SNAPC1: variants seen among roughly 807,000 people sequenced by gnomAD.
SNAPC1 encodes the protein snRNA-activating protein complex subunit 1.
In SNAPC1, 42 loss-of-function variants were observed where a neutral mutation model predicts 50.1. The observed-to-expected ratio is 0.84, with a 90% CI of 0.65 to 1.08. The LOEUF (loss-of-function observed/expected upper bound fraction) is 1.08, where lower values mean the gene tolerates loss of function less well. SNAPC1 is among the 50% of genes least tolerant of loss of function. SNAPC1 has a pLI of 0.00. For synonymous variants in SNAPC1, 164 were observed against 144.2 expected (o/e 1.14, Z -0.98); for missense variants, 477 against 427.3 (o/e 1.12, Z -1.02).
chr14:61,778,717 A>C, intron 6 of SNAPC1, 131 bp from the exon 7 acceptor site: 1 of 660,742 alleles, frequency 1.5e-6, no homozygotes, highest in East Asian at 2.8e-5. Flanking sequence ...ATGTATACCC[A>C]ATGTATGTTA....
chr14:61,786,026 A>G (rs780128811), intron 8 of SNAPC1, among the ~76,000 whole-genome samples: 2 of 152,200 alleles, frequency 1.3e-5, no homozygotes, highest in Non-Finnish European at 2.9e-5. Flanking sequence ...TTTAGCAAAC[A>G]TTTAAGAAAG....
intron 7 of SNAPC1, among the ~76,000 whole-genome samples, chr14:61,780,336 G>T (rs56098919): frequency 0.12 from 18,391 of 152,106 alleles, 1,375 homozygotes; most frequent in Non-Finnish European, 0.16. Context: ...ATCCTTTCTC[G>T]TTTAGCCTCT....
intron 1 of SNAPC1, among the ~76,000 whole-genome samples, chr14:61,763,208 G>A (rs1175116557): frequency 3.5e-5 from 5 of 144,004 alleles, no homozygotes; most frequent in African/African-American, 1.3e-4. Context: ...GGCCAGACTG[G>A]CCTCGAACTC....
chr14:61,794,885 G>GTT, intron 9 of SNAPC1, 64 bp from the exon 10 acceptor site: 1 of 1,132,240 alleles, frequency 8.8e-7, no homozygotes, highest in Non-Finnish European at 1.3e-6. Context: ...AGTGTCAGTT[G>GTT]TTTTTTTTGT....
chr14:61,763,486 CTTT>C (rs71117854), intron 1 of SNAPC1, among the ~76,000 whole-genome samples: 3 of 97,976 alleles, frequency 3.1e-5, no homozygotes, highest in Non-Finnish European at 4.0e-5. Flanking sequence ...CCAGCAGCTG[CTTT>C]TTTTTTTTTT....
intron 4 of SNAPC1, among the ~76,000 whole-genome samples, chr14:61,774,681 G>A (rs1487463508): frequency 1.5e-5 from 1 of 68,178 alleles, no homozygotes; most frequent in East Asian, 3.5e-4. Flanking sequence ...TTTTTTTTGA[G>A]AGGCAGAGTT....
At chr14:61,780,630 G>A (rs957268241) in intron 7 of SNAPC1, among the ~76,000 whole-genome samples, 11 of 152,220 alleles carry the variant, frequency 7.2e-5, no homozygotes, top group African/African-American at 2.4e-4. Context: ...TCATTCTGTA[G>A]GGTTGTCTGT....
intron 8 of SNAPC1, among the ~76,000 whole-genome samples, chr14:61,788,837 A>G (rs1014088705): frequency 7.2e-5 from 11 of 152,236 alleles, no homozygotes; most frequent in African/African-American, 2.7e-4. Flanking sequence ...AAGGAAATTC[A>G]TTGCAGGATT....
At chr14:61,789,699 A>T (rs1311972314) in intron 8 of SNAPC1, among the ~76,000 whole-genome samples, 1 of 152,234 alleles carries the variant, frequency 6.6e-6, no homozygotes, top group Non-Finnish European at 1.5e-5. Flanking sequence ...TGGGGAGTTA[A>T]ATGTTAAAAG....
intron 4 of SNAPC1, among the ~76,000 whole-genome samples, chr14:61,775,382 G>C (rs191173094): frequency 8.5e-4 from 129 of 151,672 alleles, no homozygotes; most frequent in African/African-American, 3.1e-3. Flanking sequence ...CAGCCTCCCA[G>C]GTAGCTGGGA....
At position 61,778,114 on chromosome 14, in the gene SNAPC1, AT is replaced by A. The variant is rs2045047758; in HGVS notation, c.737del (p.Met246ArgfsTer17). ...KSKTNDGEEK[M>X]EGNSQETERC... ...AAAAACTAATGATGGAGAAGAAAAA[AT>A]GGAAGGAAATTCACAAGAAACGGAG... On this transcript the variant is annotated frameshift_variant, in exon 6 of 10. Transcript: ENST00000216294. LOFTEE classifies it high-confidence loss of function. The A allele has an allele frequency of 6.2e-7, 1 of 1,604,686 alleles. No individual in the cohort carries two copies.
At chr14:61,786,400 G>A (rs903083321) in intron 8 of SNAPC1, among the ~76,000 whole-genome samples, 44 of 152,104 alleles carry the variant, frequency 2.9e-4, no homozygotes, top group East Asian at 9.6e-4. Context: ...AAACTACTAC[G>A]CTGATAAAGG....
At chr14:61,770,157 C>CT (rs1233153140) in intron 4 of SNAPC1, among the ~76,000 whole-genome samples, 2 of 151,408 alleles carry the variant, frequency 1.3e-5, no homozygotes, top group Non-Finnish European at 2.9e-5. Flanking sequence ...CCTACTCAGT[C>CT]TTTTCTTGTA....
intron 8 of SNAPC1, among the ~76,000 whole-genome samples, chr14:61,786,160 G>C (rs1330106961): frequency 6.6e-6 from 1 of 152,122 alleles, no homozygotes; most frequent in Non-Finnish European, 1.5e-5. Flanking sequence ...ATGGATTATG[G>C]ACCTAAATTT....
At chr14:61,771,067 G>C (rs1594644417) in intron 4 of SNAPC1, among the ~76,000 whole-genome samples, 1 of 152,182 alleles carries the variant, frequency 6.6e-6, no homozygotes, top group East Asian at 1.9e-4. Context: ...TTAGGGTGAG[G>C]TACTGTAATT....
At chr14:61,778,230 G>T in intron 6 of SNAPC1, 90 bp downstream of exon 6, 1 of 706,124 alleles carries the variant, frequency 1.4e-6, no homozygotes, top group Non-Finnish European at 2.3e-6. Context: ...AGACATATAA[G>T]AGAAAATTCT....
intron 5 of SNAPC1, among the ~76,000 whole-genome samples, chr14:61,777,110 C>T (rs1043626103): frequency 2.6e-5 from 4 of 152,128 alleles, no homozygotes; most frequent in African/African-American, 9.7e-5. Flanking sequence ...CACACAGATA[C>T]TGTTATCTAT....
At chr14:61,765,604 G>A (rs1238839988) in intron 1 of SNAPC1, among the ~76,000 whole-genome samples, 1 of 152,164 alleles carries the variant, frequency 6.6e-6, no homozygotes, top group African/African-American at 2.4e-5. Context: ...TCCAAAGGAG[G>A]CAAATCAGAT....
rs370383524 is a variant in SNAPC1, at chr14:61,776,247, C to T, written c.687C>T (p.Asp229=). Residue 229 remains aspartate, a synonymous_variant, in exon 5 of 10, where the codon GAC becomes GAT. Coordinates refer to ENST00000216294, the MANE Select transcript of SNAPC1 (RefSeq NM_003082.4). ...IVLEHQQWHK[D]RKNPSLKSKT... is the part of the protein sequence containing the mutation. Reference sequence around the variant, plus strand: ...TGGAGCATCAGCAGTGGCACAAAGACAGAAAGGTATGCAATCACTTGTTTG... The same window carrying T: ...TGGAGCATCAGCAGTGGCACAAAGATAGAAAGGTATGCAATCACTTGTTTG... 2 of 1,610,890 alleles carry T rather than the reference C, an allele frequency of 1.2e-6. No homozygotes were observed. The highest frequency in any genetic ancestry group is 1.7e-6 in the Non-Finnish European group (2 of 1,178,476).
Sources: allele counts gnomAD v4.1 joint callset (sites outside exome capture counted in the v4.1 genomes callset), GRCh38; gene constraint gnomAD v4.1.1; transcripts MANE v1.5; gene names NCBI Gene and HGNC (gene_info 2026-07-23, HGNC 2026-07-21).